The following DDAH1 variants were observed in gnomAD, a reference collection of about 807,000 sequenced individuals.
DDAH1 encodes dimethylarginine dimethylaminohydrolase 1, also known as N(G),N(G)-dimethylarginine dimethylaminohydrolase 1.
Under a neutral mutation model 28.8 loss-of-function variants are expected in DDAH1, and 19 were observed. The observed-to-expected ratio is 0.66, with a 90% CI of 0.46 to 0.97. The LOEUF is 0.97. Ranked by LOEUF, DDAH1 falls within the 50% of genes least tolerant of loss-of-function variation. The pLI, the probability that DDAH1 is intolerant of heterozygous loss-of-function variation, is 0.00. For missense variants in DDAH1, 326 were observed against 375.9 expected, an observed-to-expected ratio of 0.87 and a Z score of 1.10; for synonymous variants, 153 against 154.4, an observed-to-expected ratio of 0.99 and a Z score of 0.07.
intron 1 of DDAH1, among the ~76,000 whole-genome samples, chr1:85,543,363 G>A (rs966480636): frequency 1.3e-5 from 2 of 152,288 alleles, no homozygotes. Context: ...ATCCAGCCGG[G>A]TGGTAGGCTT....
intron 1 of DDAH1, among the ~76,000 whole-genome samples, chr1:85,416,640 G>C (rs1570512354): frequency 6.6e-6 from 1 of 152,146 alleles, no homozygotes. Flanking sequence ...ACCTGGAGTG[G>C]ATCAGACAAC....
chr1:85,429,205 C>T (rs1199799062), intron 1 of DDAH1, among the ~76,000 whole-genome samples: 1 of 151,566 alleles, frequency 6.6e-6, no homozygotes, highest in African/African-American at 2.4e-5. Flanking sequence ...GTGATGTTCC[C>T]CTCCCTGTGT....
intron 1 of DDAH1, chr1:85,399,565 T>C (rs1252946573): frequency 6.6e-6 from 1 of 152,220 alleles, no homozygotes; most frequent in Non-Finnish European, 1.5e-5. Context: ...TGACTAAAAA[T>C]CAAAATGGAG....
intron 1 of DDAH1, among the ~76,000 whole-genome samples, chr1:85,408,931 C>A (rs6657817): frequency 6.6e-6 from 1 of 151,912 alleles, no homozygotes; most frequent in South Asian, 2.1e-4. Context: ...AGAACACACA[C>A]GGTTCCTGCC....
chr1:85,503,550 TATCTATCTATCTATCTATCC>T (rs1459190293), intron 1 of DDAH1, among the ~76,000 whole-genome samples: 1 of 151,830 alleles, frequency 6.6e-6, no homozygotes, highest in Non-Finnish European at 1.5e-5. Flanking sequence ...TCTATCTATC[TATCTATCTATCTATCTATCC>T]ATCTATCTAT....
At chr1:85,489,299 C>G (rs1656304959) in intron 2 of DDAH1, among the ~76,000 whole-genome samples, 1 of 152,160 alleles carries the variant, frequency 6.6e-6, no homozygotes, top group Non-Finnish European at 1.5e-5. Context: ...TGAACTATCA[C>G]TACCTGAAGG....
chr1:85,474,844 T>C (rs891880756), intron 2 of DDAH1, among the ~76,000 whole-genome samples: 1 of 152,114 alleles, frequency 6.6e-6, no homozygotes, highest in Non-Finnish European at 1.5e-5. Context: ...TAAGAATCTA[T>C]GATTCTGTTG....
intron 4 of DDAH1, among the ~76,000 whole-genome samples, chr1:85,347,537 G>A (rs1313954045): frequency 6.6e-6 from 1 of 151,920 alleles, no homozygotes; most frequent in African/African-American, 2.4e-5. Context: ...AACACTGCAT[G>A]TTCTCACTCA....
At chr1:85,505,169 T>C (rs1557701415) in intron 1 of DDAH1, among the ~76,000 whole-genome samples, 1 of 151,802 alleles carries the variant, frequency 6.6e-6, no homozygotes, top group Admixed American at 6.6e-5. Context: ...TTATTTTTAG[T>C]AGAGACAGAG....
chr1:85,379,364 T>C (rs1431186392), intron 1 of DDAH1, among the ~76,000 whole-genome samples: 1 of 152,212 alleles, frequency 6.6e-6, no homozygotes, highest in East Asian at 1.9e-4. Context: ...TGCCCAACTA[T>C]GCTCTCTTCC....
rs755291583 is a variant in DDAH1 at position 85,324,784 on chromosome 1, C to A, written c.697G>T (p.Val233Phe). 1 of 1,614,124 alleles carries A rather than the reference C, an allele frequency of 6.2e-7. No individual in the cohort carries two copies. The highest frequency in any genetic ancestry group is 2.2e-5 in the East Asian group (1 of 44,886). The part of the protein sequence containing the change: ...IYLNIPNKGH[V>F]LLHRTPEEYP... ...TCTTCCGGGGTTCGGTGCAGCAAGA[C>A]GTGCCCTTTGTTGGGGATATTTAGA... The change falls in exon 5 of 6, where the codon GTC becomes TTC. Residue 233 changes from valine (V) to phenylalanine (F), a missense_variant. Val to Phe is a conservative substitution (Grantham distance 50). Coordinates refer to ENST00000284031, the MANE Select transcript of DDAH1 (RefSeq NM_012137.4).
chr1:85,419,400 C>T (rs1351533617), intron 1 of DDAH1, among the ~76,000 whole-genome samples: 1 of 151,922 alleles, frequency 6.6e-6, no homozygotes. Flanking sequence ...ATTAGCCAGG[C>T]ATGGTGGCAT....
chr1:85,378,562 C>T (rs930047770), intron 1 of DDAH1, among the ~76,000 whole-genome samples: 1 of 152,092 alleles, frequency 6.6e-6, no homozygotes, highest in African/African-American at 2.4e-5. Context: ...GCATGTGCCA[C>T]CACATCCAGC....
intron 1 of DDAH1, among the ~76,000 whole-genome samples, chr1:85,395,870 G>A (rs918746392): frequency 6.6e-6 from 1 of 151,948 alleles, no homozygotes; most frequent in African/African-American, 2.4e-5. Context: ...TTAAAACAAG[G>A]TTTTCTTGAC....
rs550221096 is a variant in DDAH1 at position 85,334,231 on chromosome 1, C to G, written c.598-9348G>C. On this transcript the variant is annotated intron_variant, in intron 4 of 5. Transcript: ENST00000284031. ...CCTTGTGAAGAAGGTGCTTTGCTTC[C>G]CCTTTGCCTTCCACCATGATTCTAA... Among the ~76,000 whole-genome samples, 6 of 152,172 alleles carry G rather than the reference C, an allele frequency of 3.9e-5. No individual in the cohort carries two copies. In the East Asian group the frequency reaches 1.2e-3, roughly 29 times the overall value.
intron 1 of DDAH1, among the ~76,000 whole-genome samples, chr1:85,534,567 T>C (rs1315164322): frequency 6.6e-6 from 1 of 151,910 alleles, no homozygotes; most frequent in Admixed American, 6.6e-5. Context: ...CTAGGAGAGG[T>C]ATCATTATTC....
chr1:85,531,057 T>A (rs1307948122), intron 1 of DDAH1, among the ~76,000 whole-genome samples: 2 of 128,880 alleles, frequency 1.6e-5, no homozygotes, highest in South Asian at 2.4e-4. Flanking sequence ...TATCAAAGAA[T>A]CTGAGTGTAT....
At chr1:85,566,945 C>G (rs984388403) in intron 1 of DDAH1, among the ~76,000 whole-genome samples, 11 of 152,172 alleles carry the variant, frequency 7.2e-5, no homozygotes, top group Non-Finnish European at 1.5e-4. Context: ...TGAAGGCCAG[C>G]AGGCTTGAAA....
chr1:85,502,195 C>T (rs187133335), intron 1 of DDAH1, among the ~76,000 whole-genome samples: 37 of 152,320 alleles, frequency 2.4e-4, no homozygotes, highest in Middle Eastern at 6.8e-3. Flanking sequence ...AAGACACGGA[C>T]AATGTCTAAT....
Sources: allele counts gnomAD v4.1 joint callset (sites outside exome capture counted in the v4.1 genomes callset), GRCh38; gene constraint gnomAD v4.1.1; transcripts MANE v1.5; gene names NCBI Gene and HGNC (gene_info 2026-07-23, HGNC 2026-07-21).